PLCD1: variants seen among roughly 807,000 people sequenced by gnomAD.
The protein encoded by PLCD1 is phospholipase C delta 1.
A neutral mutation model predicts 87.4 loss-of-function variants in PLCD1; 71 were observed. The ratio of observed to expected loss-of-function variants is 0.81; its 90% CI spans 0.67 to 0.99. The LOEUF is 0.99. Ranked by LOEUF, PLCD1 falls within the 50% of genes least tolerant of loss-of-function variation. PLCD1 has a pLI of 0.00. For synonymous variants in PLCD1, 348 were observed against 399.2 expected (o/e 0.87, Z 1.53); for missense variants, 867 against 1,001.5 (o/e 0.87, Z 1.81).
chr3:38,024,182 G>GC, intron 1 of PLCD1: 3 of 670,512 alleles, frequency 4.5e-6, no homozygotes, highest in Non-Finnish European at 7.8e-6. Flanking sequence ...TGCAAACACT[G>GC]CCCCACAGTG....
At chr3:38,022,838 C>A (rs957301396) in intron 1 of PLCD1, among the ~76,000 whole-genome samples, 24 of 152,150 alleles carry the variant, frequency 1.6e-4, no homozygotes, top group African/African-American at 5.6e-4. Context: ...CCCAGAAAGT[C>A]TGTGGCACCC....
Position 38,016,593 on chromosome 3 carries a change from T to A in PLCD1, c.326A>T (p.Asp109Val). 1 of 1,613,692 alleles carries A rather than the reference T, an allele frequency of 6.2e-7. No individual in the cohort carries two copies. The highest frequency in any genetic ancestry group is 2.2e-5 in the East Asian group (1 of 44,854). The change falls in exon 3 of 15, where the codon GAC (aspartate) becomes GTC (valine). Residue 109 changes from aspartate to valine, a missense_variant. Asp to Val is a radical substitution (Grantham distance 152). Transcript: ENST00000334661. ...ATCAGCTGGCGATGGGGCGATGAGG[T>A]CTAGTGTATTGCGCTGGTCCTTGAA... ...IVFKDQRNTLDLIAPSPADAQ... is the reference protein window; with the variant it reads ...IVFKDQRNTLVLIAPSPADAQ...
rs1190921053 is a variant in PLCD1 at position 38,025,029 on chromosome 3, G to T, written c.34+4477C>A. The stretch of plus-strand genomic sequence containing the variant: ...GCCTGGGGGCGGGGCCAGAGCCAAG[G>T]CAGCGGGGCGAAGGAGGGGCCAGGC... On this transcript the variant is annotated intron_variant, in intron 1 of 14. Transcript: ENST00000334661. This position sits in a 1 kb window ranked among gnomAD's most constrained non-coding sequence, Gnocchi z 4.0. Among the ~76,000 whole-genome samples the T allele has an allele frequency of 6.6e-6, 1 of 152,208 alleles. No homozygotes were observed. Among genetic ancestry groups the T allele is most frequent in the Non-Finnish European group, 1.5e-5 (1 of 68,034 alleles).
At chr3:38,009,232 C>A (rs778715772) in intron 10 of PLCD1, 40 bp downstream of exon 10, 1 of 1,613,626 alleles carries the variant, frequency 6.2e-7, no homozygotes, top group Non-Finnish European at 8.5e-7. Context: ...CCAATTCTCT[C>A]TGTAACAGAG....
In PLCD1 at chr3:38,028,139, G is replaced by A. The variant is rs573830100; in HGVS notation, c.34+1367C>T. 3.3e-5 allele frequency among the ~76,000 whole-genome samples: 5 copies of A among 152,350 alleles called. No homozygotes were observed. The South Asian group carries it at 1.0e-3, about 32-fold the overall frequency. On this transcript the variant is annotated intron_variant, in intron 1 of 14. Transcript: ENST00000334661. ...GAAGCCTGTTCCAACAGGAGCCAAG[G>A]AATGACGCTGTGTCAGAGAGAAAGC...
chr3:38,010,891 G>A (rs1424423665), intron 5 of PLCD1, among the ~76,000 whole-genome samples: 1 of 151,932 alleles, frequency 6.6e-6, no homozygotes, highest in African/African-American at 2.4e-5. Flanking sequence ...CTCAAAGCTG[G>A]GCCAAGAATG....
chr3:38,010,744 T>TG (rs1218176981), intron 5 of PLCD1, among the ~76,000 whole-genome samples, 182 bp from the exon 6 acceptor site: 3 of 151,872 alleles, frequency 2.0e-5, no homozygotes, highest in Non-Finnish European at 2.9e-5. Flanking sequence ...TACTCCAGAG[T>TG]GGGGCCCTGT....
chr3:38,028,209 G>C (rs868239449), intron 1 of PLCD1, among the ~76,000 whole-genome samples: 1 of 152,212 alleles, frequency 6.6e-6, no homozygotes, highest in Non-Finnish European at 1.5e-5. Flanking sequence ...CTCCCTTCTT[G>C]CTAGTCTGGC....
At chr3:38,016,397 T>C (rs1575352479) in intron 3 of PLCD1, 94 bp downstream of exon 3, 1 of 793,300 alleles carries the variant, frequency 1.3e-6, no homozygotes, top group Non-Finnish European at 2.2e-6. Flanking sequence ...CAGCCCAAAG[T>C]ACCTAAACCA....
At position 38,011,359 on chromosome 3, in the gene PLCD1, G is replaced by A. The variant is rs1700073904; in HGVS notation, c.645C>T (p.Asp215=). The A allele has an allele frequency of 6.2e-7, 1 of 1,613,000 alleles. No individual in the cohort carries two copies. Among genetic ancestry groups the A allele is most frequent in the Non-Finnish European group, 8.5e-7 (1 of 1,180,034 alleles). ...YKMLTQRVEI[D]RTFAEAAGSG... ...AGCCCGCGGCCTCGGCGAAGGTGCG[G>A]TCGATCTCCACCCGCTGGGTCAGCA... Residue 215 remains aspartate, a synonymous_variant, in exon 5 of 15, where the codon GAC becomes GAT. Coordinates refer to ENST00000334661, the MANE Select transcript of PLCD1 (RefSeq NM_006225.4).
chr3:38,024,268 G>A (rs765801606), intron 1 of PLCD1: 5 of 1,405,256 alleles, frequency 3.6e-6, no homozygotes, highest in Non-Finnish European at 4.0e-6. Flanking sequence ...TAAGGGACAA[G>A]TGGTCGGCGT....
chr3:38,020,791 G>A (rs905062455), intron 1 of PLCD1, among the ~76,000 whole-genome samples: 6 of 152,182 alleles, frequency 3.9e-5, no homozygotes, highest in Non-Finnish European at 8.8e-5. Flanking sequence ...GGGATCAAAA[G>A]GTTAGGCAAA....
intron 3 of PLCD1, among the ~76,000 whole-genome samples, chr3:38,013,370 G>A (rs571618451): frequency 5.3e-5 from 8 of 151,796 alleles, no homozygotes; most frequent in Non-Finnish European, 8.8e-5. Context: ...CCACCACCAC[G>A]CCCGGCTAAT....
chr3:38,009,070 C>T lies in PLCD1; in HGVS notation c.1695G>A (p.Val565=). ...WRTDSSNYSP[V]EMWNGGCQIV... ...TCTGGCAGCCCCCATTCCACATCTC[C>T]ACGGGGCTGTAGTTGGAGGAGTCTG... Residue 565 remains valine (V), a synonymous_variant, in exon 11 of 15, where the codon GTG becomes GTA. Coordinates refer to ENST00000334661, the MANE Select transcript of PLCD1 (RefSeq NM_006225.4). 1 of 1,613,564 alleles carries T rather than the reference C, an allele frequency of 6.2e-7. No individual in the cohort carries two copies. Among genetic ancestry groups the T allele is most frequent in the Non-Finnish European group, 8.5e-7 (1 of 1,179,894 alleles).
Position 38,010,391 on chromosome 3 carries a change from G to A in PLCD1, c.962C>T (p.Ala321Val). The stretch of plus-strand genomic sequence containing the variant: ...GTAGGCTTCAGTGCTGCTGGGCCCG[G>A]CTAGCTGGTCCTCCAGCAGGTAGGT... Reference protein sequence around the residue: ...HNTYLLEDQLAGPSSTEAYIR... With the variant: ...HNTYLLEDQLVGPSSTEAYIR... Residue 321 changes from alanine (A) to valine (V), a missense_variant, in exon 6 of 15, where the codon GCC becomes GTC. By Grantham distance (64) the Ala-to-Val change is moderately conservative. Coordinates refer to ENST00000334661, the MANE Select transcript of PLCD1 (RefSeq NM_006225.4). 1.2e-6 allele frequency: 2 copies of A among 1,614,218 alleles called. No homozygotes were observed. The highest frequency in any genetic ancestry group is 1.3e-5 in the African/African-American group (1 of 75,054).
chr3:38,009,831 T>G lies in PLCD1; in HGVS notation c.1288-20A>C, dbSNP rs1700039719. ...CAGTTGCTAGGTGGGGAGGGGCAAC[T>G]GGTCAAGACACACCTAGCGCCCCGG... On this transcript the variant is annotated intron_variant, in intron 8 of 14. Transcript: ENST00000334661. 1.2e-6 allele frequency: 2 copies of G among 1,613,624 alleles called. No individual in the cohort carries two copies. The highest frequency in any genetic ancestry group is 1.1e-5 in the South Asian group (1 of 91,062).
rs1243777160 is a variant in PLCD1 at position 38,018,650 on chromosome 3, G to A, written c.199+1538C>T. Among the ~76,000 whole-genome samples, 1 of 152,166 alleles carries A rather than the reference G, an allele frequency of 6.6e-6. No individual in the cohort carries two copies. The highest frequency in any genetic ancestry group is 1.5e-5 in the Non-Finnish European group (1 of 68,032). The stretch of plus-strand genomic sequence containing the variant: ...GTCATCCATACGTATCGGTAGGTAG[G>A]TGGGCTCCAGGGAATCCCCAGGGCT... On this transcript the variant is annotated intron_variant, in intron 2 of 14. Coordinates refer to ENST00000334661, the MANE Select transcript of PLCD1 (RefSeq NM_006225.4). This position sits in a 1 kb window ranked among gnomAD's most constrained non-coding sequence, Gnocchi z 5.7.
At chr3:38,021,645 G>T (rs1392656750) in intron 1 of PLCD1, among the ~76,000 whole-genome samples, 1 of 152,172 alleles carries the variant, frequency 6.6e-6, no homozygotes, top group Non-Finnish European at 1.5e-5. Context: ...ACATAGTCCA[G>T]CAGCCAGCTC....
chr3:38,021,790 C>T (rs1008795073), intron 1 of PLCD1, among the ~76,000 whole-genome samples: 4 of 152,164 alleles, frequency 2.6e-5, no homozygotes, highest in African/African-American at 4.8e-5. Context: ...TGAGCCTAAG[C>T]CTATGTGGGG....
Sources: gnomAD v4.1 joint callset for allele counts (sites outside exome capture counted in the v4.1 genomes callset) on GRCh38, gnomAD v4.1.1 for gene constraint, Gnocchi (gnomAD v3.1) non-coding constraint, MANE v1.5 for transcripts, NCBI Gene and HGNC (gene_info 2026-07-23, HGNC 2026-07-21) for gene names.